The following HIC1 variants were observed in gnomAD, a reference collection of about 807,000 sequenced individuals.
HIC1 encodes hypermethylated in cancer 1 protein.
A neutral mutation model predicts 26.4 loss-of-function variants in HIC1; 9 were observed. The ratio of observed to expected loss-of-function variants is 0.34; its 90% CI spans 0.21 to 0.59. The LOEUF (loss-of-function observed/expected upper bound fraction) is 0.59. Ranked by LOEUF, HIC1 falls within the 20% of genes least tolerant of loss-of-function variation. HIC1 has a pLI of 0.82. For synonymous variants in HIC1, 631 were observed against 523.1 expected, an observed-to-expected ratio of 1.21 and a Z score of -2.81; for missense variants, 965 against 1,075.7, an observed-to-expected ratio of 0.90 and a Z score of 1.44.
intron 1 of HIC1, 36 bp from the exon 2 acceptor site, chr17:2,056,635 G>A (rs1403228990): frequency 2.0e-6 from 3 of 1,487,208 alleles, no homozygotes; most frequent in South Asian, 1.3e-5. Flanking sequence ...CCAGGGCGCC[G>A]CACGGCTCTC....
In HIC1 at chr17:2,059,054, G is replaced by A; in HGVS notation, c.*219G>A. Reference sequence around the variant, plus strand: ...GGGACGGGGGTGGGATGGGGTAAGGGAAATTTATATTTTTGATATCAGCTT... The same window carrying A: ...GGGACGGGGGTGGGATGGGGTAAGGAAAATTTATATTTTTGATATCAGCTT... On this transcript the variant is annotated 3_prime_UTR_variant, in exon 2 of 2. Transcript: ENST00000619757. The A allele has an allele frequency of 6.3e-6, 3 of 476,656 alleles. No individual in the cohort carries two copies. The highest frequency in any genetic ancestry group is 1.1e-5 in the Non-Finnish European group (3 of 266,980). 29.5% of individuals were successfully genotyped at this position (476,656 alleles called of 1,614,324 possible).
chr17:2,057,159 CG>C lies in HIC1; in HGVS notation c.473del (p.Gly158AlafsTer156), dbSNP rs1381319265. ...CTACGCGCCCTATGGTCGGCCGGGC[CG>C]GGGCCTGCGGGCCGCCACGCCGGTC... ...GGYAPYGRPG[R>X]GLRAATPVIQ... On this transcript the variant is annotated frameshift_variant, in exon 2 of 2. Transcript: ENST00000619757. LOFTEE classifies it low-confidence loss of function (END_TRUNC). The C allele has an allele frequency of 7.6e-7, 1 of 1,320,940 alleles. No individual in the cohort carries two copies. Among genetic ancestry groups the C allele is most frequent in the Non-Finnish European group, 9.6e-7 (1 of 1,042,604 alleles). The allele number at this position is 1,320,940 out of a possible 1,614,324, so 81.8% of individuals were successfully genotyped here.
At position 2,058,605 on chromosome 17, in the gene HIC1, G is replaced by C; in HGVS notation, c.1915G>C (p.Glu639Gln). Residue 639 changes from glutamate to glutamine, a missense_variant, in exon 2 of 2, where the codon GAG becomes CAG. By Grantham distance (29) the Glu-to-Gln change is conservative. Transcript: ENST00000619757. Reference protein sequence around the residue: ...GVFAVARLTAEQLSLKQQDKA... With the variant: ...GVFAVARLTAQQLSLKQQDKA... ...CTTTGCTGTGGCTCGCCTCACGGCCGAGCAGCTGAGCCTGAAGCAGCAGGA... is the reference window on the plus strand; with the variant it reads ...CTTTGCTGTGGCTCGCCTCACGGCCCAGCAGCTGAGCCTGAAGCAGCAGGA... 1 of 1,553,834 alleles carries C rather than the reference G, an allele frequency of 6.4e-7. No individual in the cohort carries two copies. The highest frequency in any genetic ancestry group is 2.5e-5 in the East Asian group (1 of 39,956).
Position 2,057,366 on chromosome 17 carries a change from TC to T in HIC1, c.678del (p.Lys227ArgfsTer87). The T allele has an allele frequency of 6.8e-7, 1 of 1,469,218 alleles. No homozygotes were observed. Among genetic ancestry groups the T allele is most frequent in the Non-Finnish European group, 8.9e-7 (1 of 1,118,626 alleles). The allele number at this position is 1,469,218 out of a possible 1,614,324, so 91.0% of individuals were successfully genotyped here. ...CTCCCCTCTTTGTGGCCTGGACCTG[TC>T]CAAGAAGAGCCCGCCGGGCTCCGCG... ...RCSPLCGLDL[S>X]KKSPPGSAAP... On this transcript the variant is annotated frameshift_variant, in exon 2 of 2. Coordinates refer to ENST00000619757, the MANE Select transcript of HIC1 (RefSeq NM_006497.4). LOFTEE classifies it low-confidence loss of function (END_TRUNC).
At position 2,056,896 on chromosome 17, in the gene HIC1, T is replaced by C; in HGVS notation, c.206T>C (p.Met69Thr). ...HDNLLNLDHD[M>T]VSPAVFRLVL... ...AACCTGCTCAACCTGGACCATGACA[T>C]GGTGAGCCCGGCCGTGTTCCGCCTG... The change falls in exon 2 of 2, where the codon ATG (methionine) becomes ACG (threonine). Residue 69 changes from methionine (M) to threonine (T), a missense_variant. Physicochemically the swap from Met to Thr is moderately conservative, Grantham distance 81. Around this residue, in one of 6 missense-constraint regions of HIC1, gnomAD observed 64 missense variants for 114.0 expected, o/e 0.56. Coordinates refer to ENST00000619757, the MANE Select transcript of HIC1 (RefSeq NM_006497.4). 1 of 1,612,772 alleles carries C rather than the reference T, an allele frequency of 6.2e-7. No individual in the cohort carries two copies. The highest frequency in any genetic ancestry group is 8.5e-7 in the Non-Finnish European group (1 of 1,179,872).
Position 2,061,227 on chromosome 17 carries a change from G to C in HIC1, c.*2392G>C. ...AGAGCATGGGCGGCCTATCTGGCTT[G>C]CCCAGCTGCTGTTGCTGTAGCCAGC... On this transcript the variant is annotated 3_prime_UTR_variant, in exon 2 of 2. Coordinates refer to ENST00000619757, the MANE Select transcript of HIC1 (RefSeq NM_006497.4). 1 of 415,820 alleles carries C rather than the reference G, an allele frequency of 2.4e-6. No homozygotes were observed. The highest frequency in any genetic ancestry group is 2.0e-5 in the African/African-American group (1 of 49,344). 25.8% of individuals were successfully genotyped at this position (415,820 alleles called of 1,614,324 possible). A position where few individuals can be genotyped will look rare whatever the true frequency, so the allele number is the denominator to read the frequency against.
rs2151370489 is a variant in HIC1 at position 2,058,720 on chromosome 17, A to G, written c.2030A>G (p.Lys677Arg). 2 of 1,535,818 alleles carry G rather than the reference A, an allele frequency of 1.3e-6. No individual in the cohort carries two copies. The highest frequency in any genetic ancestry group is 1.2e-5 in the South Asian group (1 of 82,746). Residue 677 changes from lysine (K) to arginine (R), a missense_variant, in exon 2 of 2, where the codon AAG becomes AGG. This residue lies in a region of HIC1 where 210 missense variants were observed against 179.2 expected (regional missense o/e 1.17). Transcript: ENST00000619757. ...CTGGAGAGCCTCTACCCGCTGGCCA[A>G]GTTCACGGCCGAGCTGGGCCTCAGC... ...VALESLYPLA[K>R]FTAELGLSPD...
chr17:2,061,720 G>A lies in HIC1; in HGVS notation c.*2885G>A. The A allele has an allele frequency of 7.4e-7, 1 of 1,348,566 alleles. No homozygotes were observed. Among genetic ancestry groups the A allele is most frequent in the Non-Finnish European group, 1.0e-6 (1 of 984,376 alleles). 83.5% of individuals were successfully genotyped at this position (1,348,566 alleles called of 1,614,324 possible). A position where few individuals can be genotyped will look rare whatever the true frequency, so the allele number is the denominator to read the frequency against. On this transcript the variant is annotated 3_prime_UTR_variant, in exon 2 of 2. Coordinates refer to ENST00000619757, the MANE Select transcript of HIC1 (RefSeq NM_006497.4). ...GAGAATGTGGTCCTGGGGAGGGGGT[G>A]CCACGCTAGCCGTGTCTTGGCTCTT...
rs754069212 is a variant in HIC1, at chr17:2,057,924, A to C, written c.1234A>C (p.Ser412Arg). 32 of 1,609,634 alleles carry C rather than the reference A, an allele frequency of 2.0e-5. No individual in the cohort carries two copies. The highest frequency in any genetic ancestry group is 2.5e-5 in the Non-Finnish European group (30 of 1,178,538). ...GCACCTGGCCTATGGCGAGCCCGAG[A>C]GCTTCGGTGACAACCTGTACGTGTG... is the stretch of plus-strand genomic sequence containing the variant. ...CPHLAYGEPE[S>R]FGDNLYVCIP... The change falls in exon 2 of 2, where the codon AGC becomes CGC. Residue 412 changes from serine to arginine, a missense_variant. Around this residue, in one of 6 missense-constraint regions of HIC1, gnomAD observed 526 missense variants for 525.0 expected, o/e 1.00. Coordinates refer to ENST00000619757, the MANE Select transcript of HIC1 (RefSeq NM_006497.4).
Position 2,058,852 on chromosome 17 carries a change from C to T in HIC1, c.*17C>T, listed in dbSNP as rs1234014310. The T allele has an allele frequency of 3.5e-6, 5 of 1,421,168 alleles. No homozygotes were observed. Among genetic ancestry groups the T allele is most frequent in the Non-Finnish European group, 4.6e-6 (5 of 1,091,524 alleles). 88.0% of individuals were successfully genotyped at this position (1,421,168 alleles called of 1,614,324 possible). On this transcript the variant is annotated 3_prime_UTR_variant, in exon 2 of 2. Coordinates refer to ENST00000619757, the MANE Select transcript of HIC1 (RefSeq NM_006497.4). Reference sequence around the variant, plus strand: ...CCCACCTAGAGCGCCCCTCGCCAGCCCGCTCTGTCGCTGCTGCGCGGCCCT... The same window carrying T: ...CCCACCTAGAGCGCCCCTCGCCAGCTCGCTCTGTCGCTGCTGCGCGGCCCT...
In HIC1 at chr17:2,059,894, G is replaced by A. The variant is rs1000073456; in HGVS notation, c.*1059G>A. 2 of 158,486 alleles carry A rather than the reference G, an allele frequency of 1.3e-5. No homozygotes were observed. The highest frequency in any genetic ancestry group is 6.5e-5 in the Admixed American group (1 of 15,292). 9.8% of individuals were successfully genotyped at this position (158,486 alleles called of 1,614,324 possible). A position where few individuals can be genotyped will look rare whatever the true frequency, so the allele number is the denominator to read the frequency against. ...AGGAAACAAAACCAGTGCTGCAAACGGGACAGAAAGGAGAGCTGGGTCTCC... is the reference window on the plus strand; with the variant it reads ...AGGAAACAAAACCAGTGCTGCAAACAGGACAGAAAGGAGAGCTGGGTCTCC... On this transcript the variant is annotated 3_prime_UTR_variant, in exon 2 of 2. Coordinates refer to ENST00000619757, the MANE Select transcript of HIC1 (RefSeq NM_006497.4).
In HIC1 at chr17:2,055,983, CCCTCCCTCCCCTGGGAGCTGCGTGGCT is replaced by C. The variant is rs1027460709; in HGVS notation, c.-20-685_-20-659del. On this transcript the variant is annotated intron_variant, in intron 1 of 1. Coordinates refer to ENST00000619757, the MANE Select transcript of HIC1 (RefSeq NM_006497.4). The surrounding 1 kb of genome is among the most constrained non-coding windows in gnomAD (Gnocchi z 6.4). ...CGCCGTGCCCGCCCGGGGCGCTGCCCCCTCCCTCCCCTGGGAGCTGCGTGGCTCCCCCCTCCCCCCCACCTGCTTCCT... is the reference window on the plus strand; with the variant it reads ...CGCCGTGCCCGCCCGGGGCGCTGCCCCCCCCCTCCCCCCCACCTGCTTCCT... Among the ~76,000 whole-genome samples the C allele has an allele frequency of 6.8e-6, 1 of 147,272 alleles. No individual in the cohort carries two copies. Among genetic ancestry groups the C allele is most frequent in the African/African-American group, 2.5e-5 (1 of 40,634 alleles).
In HIC1 at chr17:2,057,193, CCTG is replaced by C. The variant is rs2067680327; in HGVS notation, c.506_508del (p.Cys169del). 1 of 1,383,310 alleles carries C rather than the reference CCTG, an allele frequency of 7.2e-7. No individual in the cohort carries two copies. The highest frequency in any genetic ancestry group is 9.3e-7 in the Non-Finnish European group (1 of 1,071,358). 85.7% of individuals were successfully genotyped at this position (1,383,310 alleles called of 1,614,324 possible). A position where few individuals can be genotyped will look rare whatever the true frequency, so the allele number is the denominator to read the frequency against. On this transcript the variant is annotated inframe_deletion, in exon 2 of 2. Coordinates refer to ENST00000619757, the MANE Select transcript of HIC1 (RefSeq NM_006497.4). ...CGGGCCGCCACGCCGGTCATCCAGG[CCTG>C]CTACCCGTCCCCAGTCGGGCCTCCG...
In HIC1 at chr17:2,058,062, G is replaced by T. The variant is rs748565761; in HGVS notation, c.1372G>T (p.Ala458Ser). The T allele has an allele frequency of 5.1e-6, 8 of 1,580,892 alleles. No homozygotes were observed. The South Asian group carries it at 9.0e-5, about 18-fold the overall frequency. Reference protein sequence around the residue: ...YGRAEAAEVAAGAAGLGPPFG... With the variant: ...YGRAEAAEVASGAAGLGPPFG... ...CAGGGCCGAGGCGGCCGAAGTGGCC[G>T]CTGGGGCCGCCGGCCTAGGGCCCCC... Residue 458 changes from alanine (A) to serine (S), a missense_variant, in exon 2 of 2, where the codon GCT (alanine) becomes TCT (serine). Ala to Ser is a moderately conservative substitution (Grantham distance 99). Coordinates refer to ENST00000619757, the MANE Select transcript of HIC1 (RefSeq NM_006497.4).
rs2067724541 is a variant in HIC1 at position 2,059,941 on chromosome 17, G to A, written c.*1106G>A. 2 of 152,932 alleles carry A rather than the reference G, an allele frequency of 1.3e-5. No individual in the cohort carries two copies. Among genetic ancestry groups the A allele is most frequent in the African/African-American group, 2.4e-5 (1 of 41,456 alleles). 9.5% of individuals were successfully genotyped at this position (152,932 alleles called of 1,614,324 possible). A position where few individuals can be genotyped will look rare whatever the true frequency, so the allele number is the denominator to read the frequency against. On this transcript the variant is annotated 3_prime_UTR_variant, in exon 2 of 2. Transcript: ENST00000619757. ...CTCCCTCCCGACCACCCAGTCATCG[G>A]CCTTCCAGCTGGGGAGAGAATCTTA... is the stretch of plus-strand genomic sequence containing the variant.
In HIC1 at chr17:2,057,670, G is replaced by C; in HGVS notation, c.980G>C (p.Gly327Ala). 3 of 1,507,848 alleles carry C rather than the reference G, an allele frequency of 2.0e-6. No homozygotes were observed. Among genetic ancestry groups the C allele is most frequent in the Non-Finnish European group, 2.6e-6 (3 of 1,135,654 alleles). 93.4% of individuals were successfully genotyped at this position (1,507,848 alleles called of 1,614,324 possible). A position where few individuals can be genotyped will look rare whatever the true frequency, so the allele number is the denominator to read the frequency against. Residue 327 changes from glycine (G) to alanine (A), a missense_variant, in exon 2 of 2, where the codon GGC becomes GCC. By Grantham distance (60) the Gly-to-Ala change is moderately conservative. Transcript: ENST00000619757. ...CTGGGTAGCTATGGCGACGAGCTGG[G>C]CCGGGAGCGCGGCTCCCCCAGCGAG... ...PGLGSYGDEL[G>A]RERGSPSERC...
In HIC1 at chr17:2,061,582, C is replaced by G. The variant is rs144129895; in HGVS notation, c.*2747C>G. ...CCTTCACACGCAGGTTCCGGTCATCCGTCAACAGCACCACCTCCCGCAGTA... is the reference window on the plus strand; with the variant it reads ...CCTTCACACGCAGGTTCCGGTCATCGGTCAACAGCACCACCTCCCGCAGTA... On this transcript the variant is annotated 3_prime_UTR_variant, in exon 2 of 2. Coordinates refer to ENST00000619757, the MANE Select transcript of HIC1 (RefSeq NM_006497.4). 6.4e-7 allele frequency: 1 copy of G among 1,572,508 alleles called. No individual in the cohort carries two copies. The highest frequency in any genetic ancestry group is 8.6e-7 in the Non-Finnish European group (1 of 1,158,694).
chr17:2,061,437 G>A lies in HIC1; in HGVS notation c.*2602G>A, dbSNP rs572844711. 2.7e-5 allele frequency: 41 copies of A among 1,508,638 alleles called. 1 individual carries two copies. The highest frequency in any genetic ancestry group is 2.3e-4 in the South Asian group (19 of 83,254). 93.5% of individuals were successfully genotyped at this position (1,508,638 alleles called of 1,614,324 possible). A position where few individuals can be genotyped will look rare whatever the true frequency, so the allele number is the denominator to read the frequency against. ...GGGCATCTTCCGTGCTACACTGGGC[G>A]CCTGGTGGCCTTTCAGGAACGGTTC... On this transcript the variant is annotated 3_prime_UTR_variant, in exon 2 of 2. Transcript: ENST00000619757.
Position 2,058,773 on chromosome 17 carries a change from C to A in HIC1, c.2083C>A (p.Gln695Lys). Residue 695 changes from glutamine to lysine, a missense_variant, in exon 2 of 2, where the codon CAG becomes AAG. Physicochemically the swap from Gln to Lys is moderately conservative, Grantham distance 53 (BLOSUM62 1). Around this residue, in one of 6 missense-constraint regions of HIC1, gnomAD observed 210 missense variants for 179.2 expected, o/e 1.17. Transcript: ENST00000619757. The stretch of plus-strand genomic sequence containing the variant: ...CGACAAGGCGGCCGAGGTGCTGAGC[C>A]AGGGCGCTCACCTGGCGGCCGGGCC... ...SPDKAAEVLS[Q>K]GAHLAAGPDG... is the part of the protein sequence containing the mutation. 1 of 1,517,684 alleles carries A rather than the reference C, an allele frequency of 6.6e-7. No homozygotes were observed. Among genetic ancestry groups the A allele is most frequent in the East Asian group, 2.7e-5 (1 of 37,716 alleles). The allele number at this position is 1,517,684 out of a possible 1,614,324, so 94.0% of individuals were successfully genotyped here.
Sources: allele counts gnomAD v4.1 joint callset (sites outside exome capture counted in the v4.1 genomes callset), GRCh38; gene constraint gnomAD v4.1.1; regional missense constraint gnomAD v4.1.1; non-coding constraint Gnocchi (gnomAD v3.1); transcripts MANE v1.5; gene names NCBI Gene and HGNC (gene_info 2026-07-23, HGNC 2026-07-21).